The following NRXN1 variants were observed in gnomAD, a reference collection of about 807,000 sequenced individuals.
The protein encoded by NRXN1 is neurexin-1.
Under a neutral mutation model 150.9 loss-of-function variants are expected in NRXN1, and 39 were observed. The observed-to-expected ratio is 0.26, with a 90% CI of 0.20 to 0.34. The LOEUF is 0.34. Among genes scored for constraint, NRXN1 ranks in the 10% least tolerant of loss-of-function variants. NRXN1 has a pLI of 1.00. For missense variants in NRXN1, 1,815 were observed against 1,949.9 expected, an observed-to-expected ratio of 0.93 and a Z score of 1.30; for synonymous variants, 924 against 757.0, an observed-to-expected ratio of 1.22 and a Z score of -3.62.
At chr2:50,418,166 C>T (rs1038003131) in intron 17 of NRXN1, among the ~76,000 whole-genome samples, 5 of 151,822 alleles carry the variant, frequency 3.3e-5, no homozygotes, top group African/African-American at 7.3e-5. Flanking sequence ...AACAAGTGAC[C>T]GATGGAATGT....
Position 50,266,003 on chromosome 2 carries a change from T to TTA in NRXN1, c.3365-29034_3365-29033insTA, listed in dbSNP as rs1491112195. ...TTATTATTATTATTATTATTATTTATTTTTTTTTTTTTTGAGATAGAGTCT... is the reference window on the plus strand; with the variant it reads ...TTATTATTATTATTATTATTATTTATTATTTTTTTTTTTTTGAGATAGAGTCT... On this transcript the variant is annotated intron_variant, in intron 17 of 22. Transcript: ENST00000401669. 2.4e-3 allele frequency among the ~76,000 whole-genome samples: 66 copies of TTA among 27,252 alleles called. 1 individual carries two copies. The highest frequency in any genetic ancestry group is 0.013 in the African/African-American group (51 of 4,080). The allele number at this position is 27,252 out of a possible 152,430, so 17.9% of individuals were successfully genotyped here. A position where few individuals can be genotyped will look rare whatever the true frequency, so the allele number is the denominator to read the frequency against.
intron 17 of NRXN1, among the ~76,000 whole-genome samples, chr2:50,271,565 G>A (rs1219854179): frequency 6.6e-6 from 1 of 152,108 alleles, no homozygotes; most frequent in African/African-American, 2.4e-5. Flanking sequence ...ATTAGGACAG[G>A]TTGAAACCCA....
intron 17 of NRXN1, among the ~76,000 whole-genome samples, chr2:50,315,140 T>C (rs1050162971): frequency 6.6e-6 from 1 of 152,100 alleles, no homozygotes; most frequent in African/African-American, 2.4e-5. Flanking sequence ...GAATCTCTTT[T>C]CTGCTTTATC....
At chr2:50,518,545 G>A (rs1485305185) in intron 12 of NRXN1, among the ~76,000 whole-genome samples, 4 of 151,292 alleles carry the variant, frequency 2.6e-5, no homozygotes, top group Admixed American at 6.6e-5. Flanking sequence ...CAAGTTGTCT[G>A]AATAAAAAAA....
chr2:50,618,160 G>C (rs1679345939), intron 8 of NRXN1, among the ~76,000 whole-genome samples: 1 of 152,154 alleles, frequency 6.6e-6, no homozygotes, highest in South Asian at 2.1e-4. Flanking sequence ...GTGAAAATGA[G>C]GAAGTTGGTA....
intron 17 of NRXN1, among the ~76,000 whole-genome samples, chr2:50,327,256 A>C (rs2076445623): frequency 6.6e-6 from 1 of 152,222 alleles, no homozygotes; most frequent in Non-Finnish European, 1.5e-5. Flanking sequence ...AAATTTCAAA[A>C]ATATGATGAT....
At chr2:50,848,938 G>A (rs963606765) in intron 5 of NRXN1, among the ~76,000 whole-genome samples, 7 of 152,182 alleles carry the variant, frequency 4.6e-5, no homozygotes, top group African/African-American at 1.4e-4. Flanking sequence ...TTGCCTTAAC[G>A]AAAGCAGGTC....
intron 17 of NRXN1, among the ~76,000 whole-genome samples, chr2:50,448,348 A>C (rs188399488): frequency 6.6e-6 from 1 of 152,254 alleles, no homozygotes; most frequent in African/African-American, 2.4e-5. Context: ...GAACGGCAAA[A>C]CCAAACCTGA....
At chr2:50,742,372 G>A (rs959552371) in intron 5 of NRXN1, among the ~76,000 whole-genome samples, 1 of 151,514 alleles carries the variant, frequency 6.6e-6, no homozygotes, top group Non-Finnish European at 1.5e-5. Context: ...AGAAACCCAA[G>A]TTTGGCACTT....
chr2:50,379,209 C>T (rs2080761218), intron 17 of NRXN1, among the ~76,000 whole-genome samples: 1 of 152,154 alleles, frequency 6.6e-6, no homozygotes, highest in Non-Finnish European at 1.5e-5. Context: ...ATCCCCATGA[C>T]ATTCAAAACT....
intron 15 of NRXN1, among the ~76,000 whole-genome samples, chr2:50,472,882 G>A (rs2089655012): frequency 6.6e-6 from 1 of 150,658 alleles, no homozygotes; most frequent in Admixed American, 6.6e-5. Flanking sequence ...TCTAAAATGG[G>A]AACAATAAAA....
At chr2:50,764,320 A>G (rs1702149866) in intron 5 of NRXN1, among the ~76,000 whole-genome samples, 1 of 152,002 alleles carries the variant, frequency 6.6e-6, no homozygotes, top group African/African-American at 2.4e-5. Flanking sequence ...TGAACAAATG[A>G]CATTCATACC....
In NRXN1 at chr2:50,577,455, G is replaced by A. The variant is rs979983186; in HGVS notation, c.1321-24430C>T. On this transcript the variant is annotated intron_variant, in intron 8 of 22. Coordinates refer to ENST00000401669, the MANE Select transcript of NRXN1 (RefSeq NM_001330078.2). Reference sequence around the variant, plus strand: ...TTGATTTCCCGCAGTATCACTGCACGGCAGCATTCCATATTTTAGTTCCTA... The same window carrying A: ...TTGATTTCCCGCAGTATCACTGCACAGCAGCATTCCATATTTTAGTTCCTA... Among the ~76,000 whole-genome samples the A allele has an allele frequency of 3.3e-5, 5 of 151,280 alleles. No homozygotes were observed. The South Asian group carries it at 8.3e-4, about 25-fold the overall frequency.
intron 18 of NRXN1, among the ~76,000 whole-genome samples, chr2:50,111,800 C>T (rs1702410910): frequency 6.6e-6 from 1 of 152,150 alleles, no homozygotes; most frequent in South Asian, 2.1e-4. Flanking sequence ...GGAAAAATCA[C>T]CTTCCATTCT....
intron 2 of NRXN1, among the ~76,000 whole-genome samples, chr2:50,963,047 C>CT (rs1693464484): frequency 6.6e-6 from 1 of 151,630 alleles, no homozygotes; most frequent in Admixed American, 6.6e-5. Flanking sequence ...AAAAGAAACT[C>CT]TATTTCCTTC....
chr2:50,653,563 G>GT (rs1363712763), intron 5 of NRXN1, among the ~76,000 whole-genome samples: 1 of 152,026 alleles, frequency 6.6e-6, no homozygotes, highest in African/African-American at 2.4e-5. Flanking sequence ...TATGGAGGCA[G>GT]TTTTGGCCAA....
chr2:50,572,990 C>G (rs1260190437), intron 8 of NRXN1, among the ~76,000 whole-genome samples: 1 of 152,146 alleles, frequency 6.6e-6, no homozygotes, highest in East Asian at 1.9e-4. Context: ...ATATGTATTT[C>G]TAGCCTTGTC....
chr2:50,330,158 G>A (rs2076743758), intron 17 of NRXN1, among the ~76,000 whole-genome samples: 1 of 151,904 alleles, frequency 6.6e-6, no homozygotes, highest in Admixed American at 6.6e-5. Flanking sequence ...AATACAGTCT[G>A]CACAGTAGGC....
intron 17 of NRXN1, among the ~76,000 whole-genome samples, chr2:50,343,458 T>TGACTAGAGGGA (rs1366327616): frequency 6.8e-6 from 1 of 146,468 alleles, no homozygotes; most frequent in African/African-American, 2.8e-5. Flanking sequence ...TCCCTCTATT[T>TGACTAGAGGGA]AACTAGAAAA....
Sources: gnomAD v4.1 joint callset for allele counts (sites outside exome capture counted in the v4.1 genomes callset) on GRCh38, gnomAD v4.1.1 for gene constraint, MANE v1.5 for transcripts, NCBI Gene and HGNC (gene_info 2026-07-23, HGNC 2026-07-21) for gene names.